NIT2: variants seen among roughly 807,000 people sequenced by gnomAD.
NIT2 encodes the protein nitrilase family member 2.
In NIT2, 46 loss-of-function variants were observed where a neutral mutation model predicts 42.7. The observed-to-expected ratio is 1.08, with a 90% CI of 0.85 to 1.38. NIT2 has a LOEUF of 1.38. Ranked by LOEUF, NIT2 falls within the 40% of genes most tolerant of loss-of-function variation. The probability of loss-of-function intolerance (pLI) is 0.00; values close to 1 mark genes in which losing one functional copy is unlikely to be tolerated. For synonymous variants in NIT2, 123 were observed against 121.9 expected (o/e 1.01, Z -0.06); for missense variants, 309 against 342.5 (o/e 0.90, Z 0.77).
rs1706340448 is a variant in NIT2, at chr3:100,358,083, GTTTGTT to G, written c.*2825_*2830del. The stretch of plus-strand genomic sequence containing the variant: ...CGTGAGCCACGGCACCCAGCCTTTT[GTTTGTT>G]TTTGTTTTTATGTATTTCATTAAAT... On this transcript the variant is annotated 3_prime_UTR_variant, in exon 10 of 10. Coordinates refer to ENST00000394140, the MANE Select transcript of NIT2 (RefSeq NM_020202.5). The G allele has an allele frequency of 6.6e-6, 1 of 152,136 alleles. No individual in the cohort carries two copies. Among genetic ancestry groups the G allele is most frequent in the African/African-American group, 2.4e-5 (1 of 41,432 alleles). 9.4% of individuals were successfully genotyped at this position (152,136 alleles called of 1,614,324 possible). A position where few individuals can be genotyped will look rare whatever the true frequency, so the allele number is the denominator to read the frequency against.
chr3:100,334,903 C>T (rs941744174), intron 1 of NIT2, 105 bp downstream of exon 1: 21 of 1,104,336 alleles, frequency 1.9e-5, no homozygotes, highest in East Asian at 3.6e-5. Flanking sequence ...GCCCCGCGTC[C>T]CCGCCGTGCG....
chr3:100,348,189 C>G (rs1314526744), intron 6 of NIT2, among the ~76,000 whole-genome samples: 2 of 152,224 alleles, frequency 1.3e-5, no homozygotes, highest in African/African-American at 2.4e-5. Flanking sequence ...AGCGCACCCA[C>G]CGCCTTTATG....
intron 7 of NIT2, 27 bp from the exon 8 acceptor site, chr3:100,352,377 T>G (rs1352351522): frequency 2.6e-6 from 4 of 1,550,978 alleles, no homozygotes; most frequent in African/African-American, 1.4e-5. Context: ...ATGTACGATT[T>G]ACCTCTTTCC....
chr3:100,347,845 CTCAAGAGAG>C (rs910024377), intron 6 of NIT2, among the ~76,000 whole-genome samples: 1 of 151,912 alleles, frequency 6.6e-6, no homozygotes, highest in Non-Finnish European at 1.5e-5. Flanking sequence ...GGTGTGTGTA[CTCAAGAGAG>C]TCATGCGCAA....
Position 100,345,788 on chromosome 3 carries a change from A to C in NIT2, c.430+110A>C, listed in dbSNP as rs191612519. ...CTTCACATAACCTAACTGAAAGACC[A>C]TAAGTGAGAAAGGCAGAGAATCATC... On this transcript the variant is annotated intron_variant, in intron 5 of 9. Transcript: ENST00000394140. 9 of 713,734 alleles carry C rather than the reference A, an allele frequency of 1.3e-5. No individual in the cohort carries two copies. In the African/African-American group the frequency reaches 1.4e-4, roughly 11 times the overall value. The allele number at this position is 713,734 out of a possible 1,614,324, so 44.2% of individuals were successfully genotyped here.
chr3:100,349,976 AC>A (rs1301450198), intron 7 of NIT2: 2 of 152,232 alleles, frequency 1.3e-5, no homozygotes, highest in Non-Finnish European at 2.9e-5. Context: ...TTGAAGTAAT[AC>A]AAAAAAAGTG....
chr3:100,346,437 G>T (rs1706218901), intron 6 of NIT2, among the ~76,000 whole-genome samples, 182 bp downstream of exon 6: 1 of 152,060 alleles, frequency 6.6e-6, no homozygotes, highest in Non-Finnish European at 1.5e-5. Context: ...GTTTTTGGGG[G>T]GTTGTAATTA....
At chr3:100,339,570 T>G (rs1706124347) in intron 2 of NIT2, among the ~76,000 whole-genome samples, 1 of 152,204 alleles carries the variant, frequency 6.6e-6, no homozygotes, top group Non-Finnish European at 1.5e-5. Context: ...TCCAACATTT[T>G]TTTTTTAAAT....
rs746342264 is a variant in NIT2 at position 100,355,288 on chromosome 3, T to C, written c.*20T>C. The C allele has an allele frequency of 1.4e-5, 21 of 1,540,756 alleles. No homozygotes were observed. Among genetic ancestry groups the C allele is most frequent in the Non-Finnish European group, 1.9e-5 (21 of 1,114,288 alleles). ...CCCTAAAGTTTATGTTTCTAATGTG[T>C]CACAGAATAGGACGATATGATTCTA... On this transcript the variant is annotated 3_prime_UTR_variant, in exon 10 of 10. Coordinates refer to ENST00000394140, the MANE Select transcript of NIT2 (RefSeq NM_020202.5).
chr3:100,352,386 C>T lies in NIT2; in HGVS notation c.585-18C>T, dbSNP rs997939541. On this transcript the variant is annotated intron_variant, in intron 7 of 9. Coordinates refer to ENST00000394140, the MANE Select transcript of NIT2 (RefSeq NM_020202.5). ...TTTATAATGTACGATTTACCTCTTT[C>T]CTGTCTATTGACTACAGGGCTGTTG... is the stretch of plus-strand genomic sequence containing the variant. The T allele has an allele frequency of 6.3e-7, 1 of 1,592,168 alleles. No individual in the cohort carries two copies. The highest frequency in any genetic ancestry group is 8.6e-7 in the Non-Finnish European group (1 of 1,160,942).
chr3:100,358,830 A>C lies in NIT2; in HGVS notation c.*3562A>C, dbSNP rs1222639716. On this transcript the variant is annotated 3_prime_UTR_variant, in exon 10 of 10. Transcript: ENST00000394140. ...GGTTTCAAGATAAATGTTCTGCTCT[A>C]TTGGCACTGGTTTTAAGTCTTTTGT... The C allele has an allele frequency of 1.3e-5, 2 of 152,208 alleles. No individual in the cohort carries two copies. The highest frequency in any genetic ancestry group is 2.9e-5 in the Non-Finnish European group (2 of 68,046). 9.4% of individuals were successfully genotyped at this position (152,208 alleles called of 1,614,324 possible).
At chr3:100,338,450 C>A (rs1576198122) in intron 1 of NIT2, among the ~76,000 whole-genome samples, 1 of 152,182 alleles carries the variant, frequency 6.6e-6, no homozygotes, top group African/African-American at 2.4e-5. Flanking sequence ...GGCATGTGTG[C>A]AGCTCACTGG....
In NIT2 at chr3:100,356,694, A is replaced by T. The variant is rs184424799; in HGVS notation, c.*1426A>T. 39 of 152,344 alleles carry T rather than the reference A, an allele frequency of 2.6e-4. No individual in the cohort carries two copies. Among genetic ancestry groups the T allele is most frequent in the East Asian group, 1.2e-3 (6 of 5,192 alleles). The allele number at this position is 152,344 out of a possible 1,614,324, so 9.4% of individuals were successfully genotyped here. A position where few individuals can be genotyped will look rare whatever the true frequency, so the allele number is the denominator to read the frequency against. ...AAAAAAATAAGTGTGCAATTTGGTA[A>T]ACTTTGACATATACAGCTATAAACC... On this transcript the variant is annotated 3_prime_UTR_variant, in exon 10 of 10. Transcript: ENST00000394140.
intron 7 of NIT2, among the ~76,000 whole-genome samples, chr3:100,350,706 T>G (rs1243419628): frequency 2.6e-5 from 4 of 152,200 alleles, no homozygotes; most frequent in African/African-American, 9.7e-5. Flanking sequence ...GCAACATTGC[T>G]CCTTGCTGAG....
At position 100,334,813 on chromosome 3, in the gene NIT2, C is replaced by G. The variant is rs765783662; in HGVS notation, c.7+15C>G. 1.1e-5 allele frequency: 14 copies of G among 1,299,350 alleles called. No homozygotes were observed. The East Asian group carries it at 2.0e-4, about 18-fold the overall frequency. The allele number at this position is 1,299,350 out of a possible 1,614,324, so 80.5% of individuals were successfully genotyped here. ...AGTCATGACCTGTAAGTGGCGCGGCCGCGCGCTGCAGCTCGAGTTCGGGCC... is the reference window on the plus strand; with the variant it reads ...AGTCATGACCTGTAAGTGGCGCGGCGGCGCGCTGCAGCTCGAGTTCGGGCC... On this transcript the variant is annotated intron_variant, in intron 1 of 9. Transcript: ENST00000394140.
intron 1 of NIT2, 81 bp downstream of exon 1, chr3:100,334,879 G>A: frequency 3.3e-6 from 4 of 1,200,984 alleles, no homozygotes; most frequent in Non-Finnish European, 4.2e-6. Context: ...TGGCTCGGCC[G>A]GCTCAGCCCC....
intron 4 of NIT2, among the ~76,000 whole-genome samples, chr3:100,344,619 G>A (rs1354040472): frequency 2.6e-5 from 4 of 152,076 alleles, no homozygotes; most frequent in African/African-American, 9.7e-5. Flanking sequence ...CCTCATTGGT[G>A]TTTTTAGATG....
chr3:100,359,528 A>G lies in NIT2; in HGVS notation c.*4260A>G, dbSNP rs1217185397. ...ATCTGTCCAGTGACACTCTTCTGGCAGATTACTAAAGACCGATTTGTAGAC... is the reference window on the plus strand; with the variant it reads ...ATCTGTCCAGTGACACTCTTCTGGCGGATTACTAAAGACCGATTTGTAGAC... On this transcript the variant is annotated 3_prime_UTR_variant, in exon 10 of 10. Coordinates refer to ENST00000394140, the MANE Select transcript of NIT2 (RefSeq NM_020202.5). 1 of 152,200 alleles carries G rather than the reference A, an allele frequency of 6.6e-6. No homozygotes were observed. The highest frequency in any genetic ancestry group is 1.5e-5 in the Non-Finnish European group (1 of 68,038). The allele number at this position is 152,200 out of a possible 1,614,324, so 9.4% of individuals were successfully genotyped here.
chr3:100,341,255 AT>A, intron 4 of NIT2, 94 bp downstream of exon 4: 2 of 795,878 alleles, frequency 2.5e-6, no homozygotes, highest in South Asian at 1.4e-5. Context: ...AGTCCCTCTC[AT>A]TATATCACAC....
Sources: gnomAD v4.1 joint callset for allele counts (sites outside exome capture counted in the v4.1 genomes callset) on GRCh38, gnomAD v4.1.1 for gene constraint, MANE v1.5 for transcripts, NCBI Gene and HGNC (gene_info 2026-07-23, HGNC 2026-07-21) for gene names.